NKD1: variants seen among roughly 807,000 people sequenced by gnomAD.
NKD1 encodes the protein NKD inhibitor of Wnt signaling pathway 1, also known as protein naked cuticle homolog 1.
Under a neutral mutation model 56.0 loss-of-function variants are expected in NKD1, and 21 were observed. That is an observed-to-expected ratio of 0.38 (90% CI 0.27 to 0.54). The LOEUF (loss-of-function observed/expected upper bound fraction) is 0.54, where lower values mean the gene tolerates loss of function less well. Ranked by LOEUF, NKD1 falls within the 20% of genes least tolerant of loss-of-function variation. The pLI, the probability that NKD1 is intolerant of heterozygous loss-of-function variation, is 0.82. For synonymous variants in NKD1, 263 were observed against 265.7 expected, an observed-to-expected ratio of 0.99 and a Z score of 0.10; for missense variants, 578 against 642.7, an observed-to-expected ratio of 0.90 and a Z score of 1.09.
chr16:50,608,230 T>C, intron 3 of NKD1, 64 bp from the exon 4 acceptor site: 1 of 1,151,770 alleles, frequency 8.7e-7, no homozygotes, highest in Non-Finnish European at 1.3e-6. Context: ...TGGCACTGCT[T>C]TTAACGTCCC....
intron 3 of NKD1, among the ~76,000 whole-genome samples, chr16:50,559,369 C>T (rs1438777417): frequency 2.6e-5 from 4 of 152,036 alleles, no homozygotes; most frequent in Non-Finnish European, 4.4e-5. Flanking sequence ...ATGCGTAAGT[C>T]GTTAAGACCC....
chr16:50,562,961 G>A (rs1383642578), intron 3 of NKD1, among the ~76,000 whole-genome samples: 3 of 146,758 alleles, frequency 2.0e-5, no homozygotes, highest in African/African-American at 7.9e-5. Context: ...TGCCTCTCTT[G>A]AAAGGGCTGC....
At chr16:50,575,865 A>G (rs1205805648) in intron 3 of NKD1, among the ~76,000 whole-genome samples, 1 of 152,162 alleles carries the variant, frequency 6.6e-6, no homozygotes, top group Non-Finnish European at 1.5e-5. Flanking sequence ...ATCTGGGTAC[A>G]TCCCTCATTG....
chr16:50,624,338 G>A (rs77313906), intron 5 of NKD1, among the ~76,000 whole-genome samples: 2,256 of 152,216 alleles, frequency 0.015, 64 homozygotes, highest in African/African-American at 0.051. Context: ...ACCACTTCGC[G>A]TCTCACATTC....
At chr16:50,593,179 C>T (rs1298939747) in intron 3 of NKD1, among the ~76,000 whole-genome samples, 1 of 152,166 alleles carries the variant, frequency 6.6e-6, no homozygotes, top group South Asian at 2.1e-4. Context: ...TGAGCATAGA[C>T]TCTGCCCAGC....
rs55694541 is a variant in NKD1, at chr16:50,598,601, C to T, written c.193-9693C>T. Among the ~76,000 whole-genome samples the T allele has an allele frequency of 2.0e-5, 3 of 152,126 alleles. No homozygotes were observed. The highest frequency in any genetic ancestry group is 4.4e-5 in the Non-Finnish European group (3 of 68,022). On this transcript the variant is annotated intron_variant, in intron 3 of 9. Coordinates refer to ENST00000268459, the MANE Select transcript of NKD1 (RefSeq NM_033119.5). The surrounding 1 kb of genome is among the most constrained non-coding windows in gnomAD (Gnocchi z 4.2). Reference sequence around the variant, plus strand: ...CACGTGCTAGACCCTGGCAGCAGACCGGGGGCCTGTCCCAGGGCCAGGAAC... The same window carrying T: ...CACGTGCTAGACCCTGGCAGCAGACTGGGGGCCTGTCCCAGGGCCAGGAAC...
At chr16:50,587,836 GA>G (rs753965689) in intron 3 of NKD1, among the ~76,000 whole-genome samples, 18 of 152,350 alleles carry the variant, frequency 1.2e-4, no homozygotes, top group Non-Finnish European at 2.1e-4. Flanking sequence ...GATTCTCACA[GA>G]AGTGCAAACC....
Position 50,632,445 on chromosome 16 carries a change from G to A in NKD1, c.823+37G>A. On this transcript the variant is annotated intron_variant, in intron 9 of 9. Coordinates refer to ENST00000268459, the MANE Select transcript of NKD1 (RefSeq NM_033119.5). This position sits in a 1 kb window ranked among gnomAD's most constrained non-coding sequence, Gnocchi z 4.1. ...AAGCACCCTGCAATGGGCGATGAGG[G>A]CAGGGCGTGGCTGGACGGGCCAGGC... 3 of 1,612,306 alleles carry A rather than the reference G, an allele frequency of 1.9e-6. No individual in the cohort carries two copies. Among genetic ancestry groups the A allele is most frequent in the Non-Finnish European group, 2.5e-6 (3 of 1,178,610 alleles).
At position 50,616,273 on chromosome 16, in the gene NKD1, A is replaced by G. The variant is rs16948680; in HGVS notation, c.260-5329A>G. Among the ~76,000 whole-genome samples, 1,170 of 152,328 alleles carry G rather than the reference A, an allele frequency of 7.7e-3. 10 individuals carry two copies. The highest frequency in any genetic ancestry group is 0.026 in the African/African-American group (1,078 of 41,566). ...GGCTAAGAGAGGGGTCTGCCATGCA[A>G]TTGAATTGTTAGTAATTTCTGGTCT... On this transcript the variant is annotated intron_variant, in intron 4 of 9. Transcript: ENST00000268459.
At position 50,566,074 on chromosome 16, in the gene NKD1, C is replaced by A. The variant is rs916286528; in HGVS notation, c.192+16519C>A. 1.8e-5 allele frequency: 14 copies of A among 796,788 alleles called. No individual in the cohort carries two copies. In the East Asian group the frequency reaches 1.4e-3, roughly 79 times the overall value. The allele number at this position is 796,788 out of a possible 1,614,324, so 49.4% of individuals were successfully genotyped here. A position where few individuals can be genotyped will look rare whatever the true frequency, so the allele number is the denominator to read the frequency against. On this transcript the variant is annotated intron_variant, in intron 3 of 9. Coordinates refer to ENST00000268459, the MANE Select transcript of NKD1 (RefSeq NM_033119.5). ...TTTTTCTGGCAAAGCTGGAGTTTTT[C>A]CTTCTGGCTGGTGTCTACAAAATCG...
chr16:50,604,914 T>C (rs1277915581), intron 3 of NKD1, among the ~76,000 whole-genome samples: 7 of 152,244 alleles, frequency 4.6e-5, no homozygotes, highest in Admixed American at 4.6e-4. Flanking sequence ...GCTAGGCAGA[T>C]GGGAACCCTT....
At chr16:50,580,318 C>G (rs1961090560) in intron 3 of NKD1, among the ~76,000 whole-genome samples, 1 of 152,262 alleles carries the variant, frequency 6.6e-6, no homozygotes, top group Non-Finnish European at 1.5e-5. Flanking sequence ...CCCACACATG[C>G]CAGGGCCTGC....
At chr16:50,593,840 A>G (rs1596727154) in intron 3 of NKD1, among the ~76,000 whole-genome samples, 1 of 152,192 alleles carries the variant, frequency 6.6e-6, no homozygotes, top group East Asian at 1.9e-4. Context: ...TGATATTCAA[A>G]CTTAACTGAA....
At position 50,623,725 on chromosome 16, in the gene NKD1, CTG is replaced by C. The variant is rs71928407; in HGVS notation, c.367-1722_367-1721del. Among the ~76,000 whole-genome samples, 21,876 of 140,750 alleles carry C rather than the reference CTG, an allele frequency of 0.16. 1,557 individuals are homozygous for C. The highest frequency in any genetic ancestry group is 0.17 in the African/African-American group (6,443 of 38,048). 92.3% of individuals were successfully genotyped at this position (140,750 alleles called of 152,430 possible). A position where few individuals can be genotyped will look rare whatever the true frequency, so the allele number is the denominator to read the frequency against. ...AAGCTGTCTTGGAAACAGGTAAGTGCTGTGTGTGTGTGTGTGTGTGTGTGTGT... is the reference window on the plus strand; with the variant it reads ...AAGCTGTCTTGGAAACAGGTAAGTGCTGTGTGTGTGTGTGTGTGTGTGTGT... On this transcript the variant is annotated intron_variant, in intron 5 of 9. Transcript: ENST00000268459. The surrounding 1 kb of genome is among the most constrained non-coding windows in gnomAD (Gnocchi z 4.1).
At chr16:50,549,599 C>T (rs1450958862) in intron 3 of NKD1, 44 bp downstream of exon 3, 5 of 1,513,438 alleles carry the variant, frequency 3.3e-6, no homozygotes, top group Non-Finnish European at 3.5e-6. Context: ...CTCCTTTCAG[C>T]CTCAGAGATG....
At position 50,621,593 on chromosome 16, in the gene NKD1, C is replaced by G; in HGVS notation, c.260-9C>G. ...GCTCCTAATGCTCCCTCGCCTGCCT[C>G]CCCGACAGTGGCCCTGCCTCCTGAG... On this transcript the variant is annotated splice_polypyrimidine_tract_variant and intron_variant, in intron 4 of 9. Transcript: ENST00000268459. 1.2e-6 allele frequency: 2 copies of G among 1,609,622 alleles called. No homozygotes were observed. Among genetic ancestry groups the G allele is most frequent in the African/African-American group, 1.3e-5 (1 of 74,994 alleles).
At chr16:50,596,903 T>C (rs28588925) in intron 3 of NKD1, among the ~76,000 whole-genome samples, 15,276 of 151,972 alleles carry the variant, frequency 0.1, 1,390 homozygotes, top group African/African-American at 0.25. Context: ...GGGAACAGCG[T>C]GTGTGAAGAC....
At chr16:50,583,272 G>A (rs1318586410) in intron 3 of NKD1, among the ~76,000 whole-genome samples, 1 of 152,172 alleles carries the variant, frequency 6.6e-6, no homozygotes, top group African/African-American at 2.4e-5. Context: ...GCCCCAAGCT[G>A]CCCTATGAGA....
rs1432594763 is a variant in NKD1, at chr16:50,630,873, C to G, written c.658C>G (p.Leu220Val). 1.2e-6 allele frequency: 2 copies of G among 1,606,306 alleles called. No homozygotes were observed. Among genetic ancestry groups the G allele is most frequent in the African/African-American group, 1.3e-5 (1 of 74,832 alleles). Residue 220 changes from leucine (L) to valine (V), a missense_variant, in exon 8 of 10, where the codon CTG becomes GTG. Transcript: ENST00000268459. ...AGCAGAGACCAAGCCCACTGAGGAC[C>G]TGCGGAGCTGGGAGAAGAAGCAGCG... ...PRAETKPTED[L>V]RSWEKKQRAP... is the part of the protein sequence containing the mutation.
Sources: gnomAD v4.1 joint callset for allele counts (sites outside exome capture counted in the v4.1 genomes callset) on GRCh38, gnomAD v4.1.1 for gene constraint, Gnocchi (gnomAD v3.1) non-coding constraint, MANE v1.5 for transcripts, NCBI Gene and HGNC (gene_info 2026-07-23, HGNC 2026-07-21) for gene names.